Variants in KCNH1 observed in about 807,000 individuals in gnomAD.
The protein encoded by KCNH1 is voltage-gated delayed rectifier potassium channel KCNH1.
KCNH1 carries 27 observed loss-of-function variants against 69.2 expected under a neutral mutation model. That is an observed-to-expected ratio of 0.39 (90% CI 0.29 to 0.54). The LOEUF (loss-of-function observed/expected upper bound fraction) is 0.54. Among genes scored for constraint, KCNH1 ranks in the 20% least tolerant of loss-of-function variants. The probability of loss-of-function intolerance (pLI) is 0.68; values close to 1 mark genes in which losing one functional copy is unlikely to be tolerated. For synonymous variants in KCNH1, 456 were observed against 487.7 expected (o/e 0.93, Z 0.86); for missense variants, 798 against 1,261.6 (o/e 0.63, Z 5.57).
chr1:210,924,990 T>C (rs972818599), intron 6 of KCNH1, among the ~76,000 whole-genome samples: 2 of 151,300 alleles, frequency 1.3e-5, no homozygotes, highest in African/African-American at 4.9e-5. Context: ...CTATAGGACA[T>C]ACTTACAGAA....
chr1:210,821,008 T>C (rs1358185091), intron 7 of KCNH1, among the ~76,000 whole-genome samples: 1 of 152,186 alleles, frequency 6.6e-6, no homozygotes, highest in Non-Finnish European at 1.5e-5. Context: ...TGTTAATCTA[T>C]TATAGCGCAA....
intron 10 of KCNH1, among the ~76,000 whole-genome samples, chr1:210,757,842 G>T (rs1683432334): frequency 6.6e-6 from 1 of 152,216 alleles, no homozygotes. Context: ...ATCAAGCCCT[G>T]TGGGGGCTCC....
At chr1:210,788,474 A>G (rs1684144676) in intron 9 of KCNH1, among the ~76,000 whole-genome samples, 1 of 152,140 alleles carries the variant, frequency 6.6e-6, no homozygotes, top group East Asian at 1.9e-4. Flanking sequence ...AAGTTATGAA[A>G]ATTTCCTTTA....
intron 7 of KCNH1, among the ~76,000 whole-genome samples, chr1:210,891,143 G>A (rs766172014): frequency 1.3e-5 from 2 of 152,046 alleles, no homozygotes; most frequent in South Asian, 2.1e-4. Context: ...ACCAACCCAA[G>A]TGTCCATCAA....
At chr1:210,746,124 G>C (rs753932973) in intron 10 of KCNH1, among the ~76,000 whole-genome samples, 5 of 152,122 alleles carry the variant, frequency 3.3e-5, no homozygotes, top group East Asian at 3.9e-4. Flanking sequence ...CCTCTAAAAA[G>C]AGGTTGATCT....
intron 10 of KCNH1, 100 bp downstream of exon 10, chr1:210,775,248 C>G: frequency 1.0e-6 from 1 of 985,032 alleles, no homozygotes; most frequent in Non-Finnish European, 1.5e-6. Context: ...ACCAATTACT[C>G]TACTTAAATA....
Position 210,683,483 on chromosome 1 carries a change from T to A in KCNH1, c.2768A>T (p.Gln923Leu), listed in dbSNP as rs140939826. ...SFYPIPEQTLQATVLEVRHEL... is the reference protein window; with the variant it reads ...SFYPIPEQTLLATVLEVRHEL... Reference sequence around the variant, plus strand: ...GTGCCTCACCTCCAGGACTGTGGCCTGCAGCGTCTGCTCAGGGATGGGGTA... The same window carrying A: ...GTGCCTCACCTCCAGGACTGTGGCCAGCAGCGTCTGCTCAGGGATGGGGTA... The change falls in exon 11 of 11, where the codon CAG (glutamine) becomes CTG (leucine). Residue 923 changes from glutamine to leucine, a missense_variant. Physicochemically the swap from Gln to Leu is moderately radical, Grantham distance 113 (BLOSUM62 -2). This residue lies in a region of KCNH1 where 331 missense variants were observed against 363.2 expected (regional missense o/e 0.91). Coordinates refer to ENST00000271751, the MANE Select transcript of KCNH1 (RefSeq NM_172362.3). This position sits in a 1 kb window ranked among gnomAD's most constrained non-coding sequence, Gnocchi z 5.7. 1.2e-6 allele frequency: 2 copies of A among 1,614,188 alleles called. No individual in the cohort carries two copies.
chr1:210,906,186 A>G (rs1028698206), intron 7 of KCNH1, among the ~76,000 whole-genome samples: 1 of 152,210 alleles, frequency 6.6e-6, no homozygotes, highest in Non-Finnish European at 1.5e-5. Flanking sequence ...TCCCTGCCTC[A>G]AGCCTCGTGC....
chr1:210,716,888 G>T (rs1004392631), intron 10 of KCNH1, among the ~76,000 whole-genome samples: 3 of 152,170 alleles, frequency 2.0e-5, no homozygotes, highest in Non-Finnish European at 4.4e-5. Flanking sequence ...AGAGGTTCTA[G>T]CCCAATGTTA....
At chr1:211,116,621 G>A (rs1018512277) in intron 1 of KCNH1, among the ~76,000 whole-genome samples, 1 of 152,132 alleles carries the variant, frequency 6.6e-6, no homozygotes, top group Non-Finnish European at 1.5e-5. Flanking sequence ...GGACCAAACT[G>A]TTGGTAGCTA....
intron 5 of KCNH1, among the ~76,000 whole-genome samples, chr1:211,060,311 G>T (rs1223656688): frequency 7.0e-6 from 1 of 142,724 alleles, no homozygotes; most frequent in Non-Finnish European, 1.5e-5. Context: ...ACCTTATGAT[G>T]CATCTTATGA....
chr1:211,038,592 T>C (rs746489375), intron 5 of KCNH1, among the ~76,000 whole-genome samples: 154 of 152,278 alleles, frequency 1.0e-3, no homozygotes, highest in Non-Finnish European at 1.6e-3. Flanking sequence ...AAAATGCTGA[T>C]AGTGATATGG....
intron 1 of KCNH1, among the ~76,000 whole-genome samples, chr1:211,112,532 C>T (rs780470928): frequency 6.7e-6 from 1 of 149,670 alleles, no homozygotes; most frequent in Non-Finnish European, 1.5e-5. Context: ...AACAAGCCCA[C>T]TAGCATCTTC....
At chr1:211,045,041 G>GATATATAGATATAGATATAGAT (rs1164564038) in intron 5 of KCNH1, among the ~76,000 whole-genome samples, 3 of 81,718 alleles carry the variant, frequency 3.7e-5, no homozygotes, top group African/African-American at 1.3e-4. Context: ...AATTGTGGGG[G>GATATATAGATATAGATATAGAT]ATATATATAT....
chr1:210,849,666 G>A (rs888029310), intron 7 of KCNH1, among the ~76,000 whole-genome samples: 2 of 151,990 alleles, frequency 1.3e-5, no homozygotes, highest in African/African-American at 4.8e-5. Flanking sequence ...GTGCCCAGCT[G>A]CCATGAGCCT....
chr1:210,826,667 T>G (rs1373040151), intron 7 of KCNH1, among the ~76,000 whole-genome samples: 1 of 152,246 alleles, frequency 6.6e-6, no homozygotes, highest in Non-Finnish European at 1.5e-5. Flanking sequence ...TGAGAACATC[T>G]AAGAAGTATT....
At chr1:210,725,379 C>T (rs959325861) in intron 10 of KCNH1, among the ~76,000 whole-genome samples, 2 of 152,172 alleles carry the variant, frequency 1.3e-5, no homozygotes, top group Admixed American at 6.5e-5. Context: ...ATTCTAGATA[C>T]TGCCCTATAC....
At chr1:210,739,508 G>C (rs1292789019) in intron 10 of KCNH1, among the ~76,000 whole-genome samples, 4 of 152,234 alleles carry the variant, frequency 2.6e-5, no homozygotes, top group East Asian at 3.8e-4. Flanking sequence ...AAAGTCCTCA[G>C]AGATGAAGCT....
Position 210,853,946 on chromosome 1 carries a change from CAAAAAAAAA to C in KCNH1, c.1463-49789_1463-49781del, listed in dbSNP as rs11445997. ...TAGCAGTAAAAGCATTTATCTAAGCCAAAAAAAAAAAAAAAAAAAAAAGAAACCAAAGTC... is the reference window on the plus strand; with the variant it reads ...TAGCAGTAAAAGCATTTATCTAAGCCAAAAAAAAAAAAAGAAACCAAAGTC... On this transcript the variant is annotated intron_variant, in intron 7 of 10. Transcript: ENST00000271751. 4.0e-3 allele frequency among the ~76,000 whole-genome samples: 247 copies of C among 61,542 alleles called. 5 individuals carry two copies. The highest frequency in any genetic ancestry group is 0.017 in the African/African-American group (231 of 13,486). 40.4% of individuals were successfully genotyped at this position (61,542 alleles called of 152,430 possible).
Sources: allele counts gnomAD v4.1 joint callset (sites outside exome capture counted in the v4.1 genomes callset), GRCh38; gene constraint gnomAD v4.1.1; regional missense constraint gnomAD v4.1.1; non-coding constraint Gnocchi (gnomAD v3.1); transcripts MANE v1.5; gene names NCBI Gene and HGNC (gene_info 2026-07-23, HGNC 2026-07-21).